Variants in PAG1 observed in about 807,000 individuals in gnomAD.
PAG1 encodes phosphoprotein membrane anchor with glycosphingolipid microdomains 1.
In PAG1, 23 loss-of-function variants were observed where a neutral mutation model predicts 31.7. That is an observed-to-expected ratio of 0.73 (90% CI 0.52 to 1.03). The LOEUF (loss-of-function observed/expected upper bound fraction) is 1.03. PAG1 is among the 50% of genes least tolerant of loss of function. The pLI, the probability that PAG1 is intolerant of heterozygous loss-of-function variation, is 0.00. For synonymous variants in PAG1, 214 were observed against 210.3 expected, an observed-to-expected ratio of 1.02 and a Z score of -0.15; for missense variants, 473 against 540.7, an observed-to-expected ratio of 0.87 and a Z score of 1.24.
intron 1 of PAG1, among the ~76,000 whole-genome samples, chr8:81,111,080 C>A (rs1809765769): frequency 6.6e-6 from 1 of 152,162 alleles, no homozygotes. Context: ...AACACCGGGT[C>A]GACATATAAG....
chr8:81,055,354 T>C (rs1808801789), intron 2 of PAG1, among the ~76,000 whole-genome samples: 2 of 152,230 alleles, frequency 1.3e-5, no homozygotes, highest in Non-Finnish European at 1.5e-5. Context: ...ATTTGGAGAA[T>C]TCAGTTTGGT....
At chr8:81,106,081 T>C (rs1809688394) in intron 1 of PAG1, among the ~76,000 whole-genome samples, 1 of 152,222 alleles carries the variant, frequency 6.6e-6, no homozygotes, top group South Asian at 2.1e-4. Flanking sequence ...CTTACTCTGT[T>C]GCCCAGGCCG....
At chr8:81,065,103 C>T (rs927384547) in intron 2 of PAG1, among the ~76,000 whole-genome samples, 1 of 152,208 alleles carries the variant, frequency 6.6e-6, no homozygotes, top group Non-Finnish European at 1.5e-5. Flanking sequence ...GGGAGGCGCT[C>T]AAGGCCCCAG....
chr8:81,082,145 C>A (rs940702944), intron 1 of PAG1, among the ~76,000 whole-genome samples: 1 of 148,586 alleles, frequency 6.7e-6, no homozygotes, highest in Admixed American at 6.8e-5. Context: ...CCCAGCTACT[C>A]GGGAGGCTGA....
chr8:81,065,838 T>TATATATATCATATATATATCATATGTC (rs1808996820), intron 2 of PAG1, among the ~76,000 whole-genome samples: 1 of 150,674 alleles, frequency 6.6e-6, no homozygotes, highest in Admixed American at 6.6e-5. Flanking sequence ...TATATATGTT[T>TATATATATCATATATATATCATATGTC]ATATATATCA....
chr8:81,020,010 G>A (rs1808135828), intron 3 of PAG1, among the ~76,000 whole-genome samples: 1 of 152,124 alleles, frequency 6.6e-6, no homozygotes, highest in African/African-American at 2.4e-5. Context: ...TGGAGTCAAA[G>A]GTCATTTTAA....
At position 80,974,950 on chromosome 8, in the gene PAG1, G is replaced by C. The variant is rs2130309831; in HGVS notation, c.*1594C>G. The stretch of plus-strand genomic sequence containing the variant: ...TCAAACCAGGCTGAGCTCTTACTCT[G>C]AGCTATTTCAGCCACTGATGTTTGT... On this transcript the variant is annotated 3_prime_UTR_variant, in exon 9 of 9. Transcript: ENST00000220597. 6.6e-6 allele frequency: 1 copy of C among 152,302 alleles called. No individual in the cohort carries two copies. The highest frequency in any genetic ancestry group is 3.4e-3 in the Middle Eastern group (1 of 294). The allele number at this position is 152,302 out of a possible 1,614,324, so 9.4% of individuals were successfully genotyped here.
intron 1 of PAG1, among the ~76,000 whole-genome samples, chr8:81,093,974 T>A (rs767283186): frequency 5.9e-5 from 9 of 152,094 alleles, no homozygotes; most frequent in Non-Finnish European, 1.3e-4. Context: ...TCATTCAAAC[T>A]GGGTTCATGC....
chr8:81,051,889 G>C (rs1288620414), intron 2 of PAG1, among the ~76,000 whole-genome samples: 1 of 152,086 alleles, frequency 6.6e-6, no homozygotes, highest in Admixed American at 6.5e-5. Flanking sequence ...CCAGCACTTT[G>C]GGAGGCTGAG....
chr8:81,062,419 T>C (rs1006446647), intron 2 of PAG1, among the ~76,000 whole-genome samples: 2 of 152,234 alleles, frequency 1.3e-5, no homozygotes, highest in African/African-American at 2.4e-5. Flanking sequence ...TAAACATTCA[T>C]ATTGGCAGCA....
intron 1 of PAG1, among the ~76,000 whole-genome samples, chr8:81,096,527 C>T (rs555512839): frequency 2.4e-4 from 37 of 152,266 alleles, no homozygotes; most frequent in African/African-American, 7.5e-4. Flanking sequence ...TTATGTTCTA[C>T]ACAATAGTTT....
rs941299824 is a variant in PAG1, at chr8:81,112,041, C to G, written c.-684G>C. The G allele has an allele frequency of 1.3e-5, 2 of 152,158 alleles. No homozygotes were observed. The highest frequency in any genetic ancestry group is 4.8e-5 in the African/African-American group (2 of 41,442). 9.4% of individuals were successfully genotyped at this position (152,158 alleles called of 1,614,324 possible). On this transcript the variant is annotated 5_prime_UTR_variant, in exon 1 of 9. Transcript: ENST00000220597. ...CAAGCGAGCGGGAGGGTACCGCAGC[C>G]AGCACTCGCCGCCGCGCCGCGGAGA...
At chr8:81,092,304 A>T (rs915913227) in intron 1 of PAG1, among the ~76,000 whole-genome samples, 7 of 151,616 alleles carry the variant, frequency 4.6e-5, no homozygotes, top group African/African-American at 1.7e-4. Flanking sequence ...GGATTGCTTG[A>T]GCGTGGGAGG....
intron 2 of PAG1, chr8:81,058,507 G>A (rs554633744): frequency 6.6e-6 from 1 of 152,372 alleles, no homozygotes; most frequent in African/African-American, 2.4e-5. Flanking sequence ...TAAGGCAGGA[G>A]GATCGCTTGA....
At chr8:81,044,684 T>G (rs2130850369) in intron 2 of PAG1, among the ~76,000 whole-genome samples, 1 of 152,230 alleles carries the variant, frequency 6.6e-6, no homozygotes, top group East Asian at 1.9e-4. Flanking sequence ...CATAGCCCCT[T>G]TCACACACTG....
chr8:81,106,610 T>C (rs1809697242), intron 1 of PAG1, among the ~76,000 whole-genome samples: 1 of 152,180 alleles, frequency 6.6e-6, no homozygotes, highest in East Asian at 1.9e-4. Context: ...TATGCCAAAA[T>C]ATTATAATCA....
intron 1 of PAG1, among the ~76,000 whole-genome samples, chr8:81,077,215 T>C (rs1809193299): frequency 6.6e-6 from 1 of 152,222 alleles, no homozygotes; most frequent in Admixed American, 6.5e-5. Context: ...GGATGTACAT[T>C]AAAGTCTAAG....
In PAG1 at chr8:81,055,220, T is replaced by C. The variant is rs1808799111; in HGVS notation, c.-175+14892A>G. The stretch of plus-strand genomic sequence containing the variant: ...CTGGGACTACAGGAATGTACCACCA[T>C]GCCTGGCTAATTTTTAATTTTTTTT... On this transcript the variant is annotated intron_variant, in intron 2 of 8. Coordinates refer to ENST00000220597, the MANE Select transcript of PAG1 (RefSeq NM_018440.4). Among the ~76,000 whole-genome samples the C allele has an allele frequency of 2.0e-5, 3 of 152,168 alleles. No homozygotes were observed. In the South Asian group the frequency reaches 6.2e-4, roughly 32 times the overall value.
intron 2 of PAG1, among the ~76,000 whole-genome samples, chr8:81,050,440 T>A (rs1336705184): frequency 6.6e-6 from 1 of 152,166 alleles, no homozygotes; most frequent in African/African-American, 2.4e-5. Flanking sequence ...GTTTTACGCA[T>A]CTAAAATCAC....
Sources: allele counts gnomAD v4.1 joint callset (sites outside exome capture counted in the v4.1 genomes callset), GRCh38; gene constraint gnomAD v4.1.1; transcripts MANE v1.5; gene names NCBI Gene and HGNC (gene_info 2026-07-23, HGNC 2026-07-21).